The following CDH4 variants were observed in gnomAD, a reference collection of about 807,000 sequenced individuals.
CDH4 encodes the protein cadherin-4.
In CDH4, 33 loss-of-function variants were observed where a neutral mutation model predicts 86.0. The ratio of observed to expected loss-of-function variants is 0.38; its 90% confidence interval spans 0.29 to 0.51. The LOEUF (loss-of-function observed/expected upper bound fraction) is 0.51, where lower values mean the gene tolerates loss of function less well. Ranked by LOEUF, CDH4 falls within the 20% of genes least tolerant of loss-of-function variation. CDH4 has a pLI of 0.86. For missense variants in CDH4, 1,114 were observed against 1,307.4 expected, an observed-to-expected ratio of 0.85 and a Z score of 2.28; for synonymous variants, 555 against 549.4, an observed-to-expected ratio of 1.01 and a Z score of -0.14.
At chr20:61,714,269 A>G (rs2087928421) in intron 2 of CDH4, among the ~76,000 whole-genome samples, 1 of 151,918 alleles carries the variant, frequency 6.6e-6, no homozygotes, top group Admixed American at 6.6e-5. Context: ...GATGGTCTCC[A>G]TCTCCTGACC....
intron 2 of CDH4, among the ~76,000 whole-genome samples, chr20:61,414,446 G>A (rs575240486): frequency 5.3e-5 from 8 of 152,232 alleles, no homozygotes; most frequent in East Asian, 1.9e-4. Context: ...AGAGCCCTGC[G>A]TGGAGGCCAT....
intron 2 of CDH4, among the ~76,000 whole-genome samples, chr20:61,509,352 A>T (rs988145091): frequency 2.0e-5 from 3 of 151,152 alleles, no homozygotes; most frequent in African/African-American, 7.3e-5. Context: ...AACACGGGAG[A>T]AGTGAGATCT....
intron 6 of CDH4, among the ~76,000 whole-genome samples, chr20:61,863,393 G>GA (rs1395791133): frequency 6.6e-6 from 1 of 152,180 alleles, no homozygotes; most frequent in Admixed American, 6.5e-5. Flanking sequence ...GAAAGCCCTA[G>GA]AAAGATGGTT....
chr20:61,808,752 C>A (rs1366138928), intron 4 of CDH4, among the ~76,000 whole-genome samples: 1 of 152,244 alleles, frequency 6.6e-6, no homozygotes, highest in Admixed American at 6.5e-5. Context: ...CCAGTCCAGG[C>A]GCTGGCCAAG....
intron 2 of CDH4, among the ~76,000 whole-genome samples, chr20:61,707,852 G>A (rs577015722): frequency 4.6e-5 from 7 of 152,330 alleles, no homozygotes; most frequent in East Asian, 1.9e-4. Context: ...GACAGGAGGC[G>A]GAGGACCTGC....
At chr20:61,581,487 G>A (rs1232460960) in intron 2 of CDH4, among the ~76,000 whole-genome samples, 3 of 151,968 alleles carry the variant, frequency 2.0e-5, no homozygotes, top group Admixed American at 2.0e-4. Context: ...CCAGTGAGGC[G>A]GCCTGCTCTG....
intron 2 of CDH4, among the ~76,000 whole-genome samples, chr20:61,398,168 T>C (rs1316205154): frequency 6.6e-6 from 1 of 152,242 alleles, no homozygotes; most frequent in African/African-American, 2.4e-5. Flanking sequence ...GTTATTTATC[T>C]TGGAATTGAT....
chr20:61,575,016 G>A (rs73136688), intron 2 of CDH4, among the ~76,000 whole-genome samples: 8,852 of 152,232 alleles, frequency 0.058, 535 homozygotes, highest in African/African-American at 0.15. Flanking sequence ...GGGAAGGTGC[G>A]GCACAGGGTC....
chr20:61,454,888 C>T lies in CDH4; in HGVS notation c.169+199951C>T, dbSNP rs6062157. Among the ~76,000 whole-genome samples the T allele has an allele frequency of 3.2e-4, 49 of 152,086 alleles. No homozygotes were observed. The East Asian group carries it at 7.9e-3, about 25-fold the overall frequency. On this transcript the variant is annotated intron_variant, in intron 2 of 15. Transcript: ENST00000614565. ...CAGGAGTGGTTTGAAGGGTGGGTTC[C>T]GTGACCAGGGTAGGAAGCATGGATT... is the stretch of plus-strand genomic sequence containing the variant.
At chr20:61,669,280 C>T (rs1016435631) in intron 2 of CDH4, among the ~76,000 whole-genome samples, 2 of 152,212 alleles carry the variant, frequency 1.3e-5, no homozygotes, top group Admixed American at 1.3e-4. Context: ...GCACCGGCAC[C>T]CCACACAGCG....
At chr20:61,260,941 G>A (rs1402048302) in intron 2 of CDH4, among the ~76,000 whole-genome samples, 1 of 152,214 alleles carries the variant, frequency 6.6e-6, no homozygotes, top group Non-Finnish European at 1.5e-5. Flanking sequence ...GCGCTGCATG[G>A]TGCATCATCT....
intron 2 of CDH4, among the ~76,000 whole-genome samples, chr20:61,360,947 T>C (rs530204683): frequency 7.9e-5 from 12 of 152,104 alleles, no homozygotes; most frequent in Middle Eastern, 3.4e-3. Context: ...AGCATGAAAA[T>C]GTAGCAGGAG....
chr20:61,297,482 T>A (rs1430829448), intron 2 of CDH4, among the ~76,000 whole-genome samples: 3 of 152,210 alleles, frequency 2.0e-5, no homozygotes, highest in Non-Finnish European at 4.4e-5. Flanking sequence ...GGATGAAGGT[T>A]TTGCTCACCA....
intron 3 of CDH4, among the ~76,000 whole-genome samples, chr20:61,768,216 C>T (rs1011351838): frequency 6.6e-6 from 1 of 152,172 alleles, no homozygotes; most frequent in Non-Finnish European, 1.5e-5. Context: ...CACACAAACA[C>T]ACATAAGCAA....
intron 2 of CDH4, among the ~76,000 whole-genome samples, chr20:61,281,579 TGAGGTCC>T (rs1193081234): frequency 3.3e-5 from 5 of 152,222 alleles, no homozygotes; most frequent in Non-Finnish European, 7.3e-5. Flanking sequence ...CCTGGTGGTC[TGAGGTCC>T]GTCCCAGCCC....
At chr20:61,815,780 T>G (rs1980685068) in intron 4 of CDH4, among the ~76,000 whole-genome samples, 1 of 152,186 alleles carries the variant, frequency 6.6e-6, no homozygotes, top group Non-Finnish European at 1.5e-5. Flanking sequence ...TTTGAAACTG[T>G]TAATCCTAGA....
At position 61,697,513 on chromosome 20, in the gene CDH4, G is replaced by A. The variant is rs145554439; in HGVS notation, c.170-46050G>A. 6.2e-3 allele frequency among the ~76,000 whole-genome samples: 947 copies of A among 152,202 alleles called. 10 individuals are homozygous for A. The highest frequency in any genetic ancestry group is 0.022 in the African/African-American group (914 of 41,510). On this transcript the variant is annotated intron_variant, in intron 2 of 15. Coordinates refer to ENST00000614565, the MANE Select transcript of CDH4 (RefSeq NM_001794.5). ...CTCGGGAGGCTGAGGAAGGAGAATC[G>A]CTTGAACCCAGGAGGCGGAGGTTGC... is the stretch of plus-strand genomic sequence containing the variant.
At chr20:61,327,483 A>T (rs1045177254) in intron 2 of CDH4, among the ~76,000 whole-genome samples, 1 of 152,226 alleles carries the variant, frequency 6.6e-6, no homozygotes, top group African/African-American at 2.4e-5. Flanking sequence ...CATTTACTAC[A>T]TGCAGAATAA....
chr20:61,492,027 G>T (rs2085628990), intron 2 of CDH4, among the ~76,000 whole-genome samples: 2 of 151,586 alleles, frequency 1.3e-5, no homozygotes, highest in Non-Finnish European at 1.5e-5. Flanking sequence ...TATTGTCGAT[G>T]GTGGTGTTGA....
Sources: gnomAD v4.1 joint callset for allele counts (sites outside exome capture counted in the v4.1 genomes callset) on GRCh38, gnomAD v4.1.1 for gene constraint, MANE v1.5 for transcripts, NCBI Gene and HGNC (gene_info 2026-07-23, HGNC 2026-07-21) for gene names.